GDA: variants seen among roughly 807,000 people sequenced by gnomAD.
The protein encoded by GDA is guanine deaminase.
Under a neutral mutation model 59.6 loss-of-function variants are expected in GDA, and 18 were observed. The ratio of observed to expected loss-of-function variants is 0.30; its 90% CI spans 0.21 to 0.45. The LOEUF (loss-of-function observed/expected upper bound fraction) is 0.45, where lower values mean the gene tolerates loss of function less well. Ranked by LOEUF, GDA falls within the 20% of genes least tolerant of loss-of-function variation. The probability of loss-of-function intolerance (pLI) is 1.00; values close to 1 mark genes in which losing one functional copy is unlikely to be tolerated. For missense variants in GDA, 427 were observed against 552.3 expected, an observed-to-expected ratio of 0.77 and a Z score of 2.27; for synonymous variants, 201 against 201.1, an observed-to-expected ratio of 1.00 and a Z score of 0.00.
rs1261999976 is a variant in GDA, at chr9:72,221,278, A to G, written c.606+1772A>G. 2.0e-5 allele frequency among the ~76,000 whole-genome samples: 3 copies of G among 152,124 alleles called. No individual in the cohort carries two copies. The East Asian group carries it at 5.8e-4, about 29-fold the overall frequency. On this transcript the variant is annotated intron_variant, in intron 6 of 13. Coordinates refer to ENST00000358399, the MANE Select transcript of GDA (RefSeq NM_004293.5). ...GCACTCTTTTAAAACTTCAGCCTCC[A>G]CTTTTCTTCATAAAGGCTACCCAGT...
At chr9:72,231,232 A>G (rs759577515) in intron 10 of GDA, 51 bp downstream of exon 10, 6 of 958,980 alleles carry the variant, frequency 6.3e-6, no homozygotes, top group South Asian at 1.3e-5. Flanking sequence ...TTACTGTGTA[A>G]TTTTCTAATG....
Position 72,249,097 on chromosome 9 carries a change from C to T in GDA, c.*755C>T. The T allele has an allele frequency of 1.0e-6, 1 of 973,958 alleles. No homozygotes were observed. Among genetic ancestry groups the T allele is most frequent in the Non-Finnish European group, 1.2e-6 (1 of 819,130 alleles). The allele number at this position is 973,958 out of a possible 1,614,324, so 60.3% of individuals were successfully genotyped here. A position where few individuals can be genotyped will look rare whatever the true frequency, so the allele number is the denominator to read the frequency against. On this transcript the variant is annotated 3_prime_UTR_variant, in exon 14 of 14. Coordinates refer to ENST00000358399, the MANE Select transcript of GDA (RefSeq NM_004293.5). ...GAATATTATTCATGTAACTCCATGGCATAAATAGTTGTATTTTTGTGTACT... is the reference window on the plus strand; with the variant it reads ...GAATATTATTCATGTAACTCCATGGTATAAATAGTTGTATTTTTGTGTACT...
chr9:72,200,275 C>T (rs576719093), intron 2 of GDA, among the ~76,000 whole-genome samples: 24 of 152,080 alleles, frequency 1.6e-4, no homozygotes, highest in East Asian at 1.9e-4. Context: ...GGATTACAGG[C>T]GTGAGCCACC....
In GDA at chr9:72,225,670, C is replaced by T. The variant is rs11143178; in HGVS notation, c.715-7C>T. 1.5e-6 allele frequency: 2 copies of T among 1,298,320 alleles called. No homozygotes were observed. Among genetic ancestry groups the T allele is most frequent in the Admixed American group, 2.1e-5 (1 of 48,012 alleles). 80.4% of individuals were successfully genotyped at this position (1,298,320 alleles called of 1,614,324 possible). A position where few individuals can be genotyped will look rare whatever the true frequency, so the allele number is the denominator to read the frequency against. ...AGAAAAATGAAAATATTATTTTTTT[C>T]TTGTAGAGCCATATAAGTGAAAATC... is the stretch of plus-strand genomic sequence containing the variant. On this transcript the variant is annotated splice_region_variant and splice_polypyrimidine_tract_variant and intron_variant, in intron 7 of 13. Coordinates refer to ENST00000358399, the MANE Select transcript of GDA (RefSeq NM_004293.5).
intron 1 of GDA, among the ~76,000 whole-genome samples, chr9:72,171,800 T>C (rs550545299): frequency 6.6e-6 from 1 of 152,310 alleles, no homozygotes; most frequent in South Asian, 2.1e-4. Flanking sequence ...ACCATATTTC[T>C]AAAAGTGAAA....
intron 8 of GDA, among the ~76,000 whole-genome samples, chr9:72,227,521 GT>G (rs1459749901): frequency 6.7e-6 from 1 of 149,768 alleles, no homozygotes; most frequent in Non-Finnish European, 1.5e-5. Flanking sequence ...GTTCTAGAAA[GT>G]TTTTTTAGAA....
intron 1 of GDA, among the ~76,000 whole-genome samples, chr9:72,169,636 G>A (rs764128690): frequency 3.9e-5 from 6 of 152,122 alleles, no homozygotes; most frequent in Non-Finnish European, 7.3e-5. Flanking sequence ...ATCCTGGTGC[G>A]ACTCTCAAAT....
At position 72,164,406 on chromosome 9, in the gene GDA, C is replaced by T. The variant is rs569586531; in HGVS notation, c.123+14724C>T. ...GAAAAATGTCCAGTGGATTTAGAAA[C>T]CTCAGGCAACTGTTGACCCTAGGAA... On this transcript the variant is annotated intron_variant, in intron 1 of 13. Transcript: ENST00000358399. Among the ~76,000 whole-genome samples, 13 of 152,210 alleles carry T rather than the reference C, an allele frequency of 8.5e-5. No individual in the cohort carries two copies. The East Asian group carries it at 2.5e-3, about 29-fold the overall frequency.
chr9:72,195,673 TA>T, intron 2 of GDA, 85 bp downstream of exon 2: 1 of 461,726 alleles, frequency 2.2e-6, no homozygotes, highest in Non-Finnish European at 4.0e-6. Context: ...AGAGAGACTT[TA>T]AAAAATAATA....
intron 2 of GDA, among the ~76,000 whole-genome samples, chr9:72,200,057 G>A (rs1833758226): frequency 6.7e-6 from 1 of 149,100 alleles, no homozygotes; most frequent in Admixed American, 6.7e-5. Flanking sequence ...GAGTGCAGTG[G>A]CATGATCTCT....
At chr9:72,124,682 T>C (rs1247653178) in intron 1 of GDA, among the ~76,000 whole-genome samples, 1 of 152,054 alleles carries the variant, frequency 6.6e-6, no homozygotes, top group Non-Finnish European at 1.5e-5. Context: ...GGAGTTTTCT[T>C]TTTTTTTAAT....
intron 1 of GDA, among the ~76,000 whole-genome samples, chr9:72,131,664 A>ACACAG (rs1444194654): frequency 1.8e-5 from 2 of 108,226 alleles, no homozygotes; most frequent in Non-Finnish European, 4.6e-5. Context: ...CACACACACA[A>ACACAG]ACACACACAC....
Position 72,118,189 on chromosome 9 carries a change from G to A in GDA, c.-100+3356G>A, listed in dbSNP as rs554090167. Among the ~76,000 whole-genome samples the A allele has an allele frequency of 2.1e-5, 3 of 144,224 alleles. No individual in the cohort carries two copies. In the Admixed American group the frequency reaches 2.2e-4, roughly 11 times the overall value. The allele number at this position is 144,224 out of a possible 152,430, so 94.6% of individuals were successfully genotyped here. A position where few individuals can be genotyped will look rare whatever the true frequency, so the allele number is the denominator to read the frequency against. On this transcript the variant is annotated intron_variant, in intron 1 of 13. Coordinates refer to the GDA transcript ENST00000545168. ...CGGGAGGCTGAGGCAGGAGAATGGC[G>A]TGAACCCGGGAGGCGGAGCTTGCAG...
intron 1 of GDA, among the ~76,000 whole-genome samples, chr9:72,182,327 A>G (rs1031199788): frequency 5.1e-4 from 78 of 152,126 alleles, no homozygotes; most frequent in African/African-American, 1.7e-3. Flanking sequence ...TTCATCTGTA[A>G]TGGGTCTTTA....
chr9:72,132,984 C>G (rs1413056218), intron 1 of GDA, among the ~76,000 whole-genome samples: 1 of 152,024 alleles, frequency 6.6e-6, no homozygotes, highest in Non-Finnish European at 1.5e-5. Context: ...TTATTCTTCT[C>G]TGGTAACAAG....
At chr9:72,164,528 C>A (rs534942235) in intron 1 of GDA, among the ~76,000 whole-genome samples, 1 of 152,050 alleles carries the variant, frequency 6.6e-6, no homozygotes, top group Non-Finnish European at 1.5e-5. Flanking sequence ...ACAGACAACT[C>A]TTTTGAGATT....
At chr9:72,126,414 T>C (rs983419175) in intron 1 of GDA, among the ~76,000 whole-genome samples, 6 of 152,188 alleles carry the variant, frequency 3.9e-5, no homozygotes, top group Admixed American at 2.0e-4. Context: ...ACTTGCCAGA[T>C]GTTGAGTAGC....
At position 72,160,886 on chromosome 9, in the gene GDA, A is replaced by T. The variant is rs143061406; in HGVS notation, c.123+11204A>T. On this transcript the variant is annotated intron_variant, in intron 1 of 13. Coordinates refer to ENST00000358399, the MANE Select transcript of GDA (RefSeq NM_004293.5). ...TCGCTGGATGGATACACATTTCAAG[A>T]CTAAATTTAGGTGTTACCTCCTCAA... 1.7e-3 allele frequency among the ~76,000 whole-genome samples: 253 copies of T among 152,090 alleles called. 2 individuals are homozygous for T. In the Middle Eastern group the frequency reaches 0.02, roughly 12 times the overall value.
At chr9:72,168,371 C>T (rs1246209234) in intron 1 of GDA, among the ~76,000 whole-genome samples, 1 of 146,678 alleles carries the variant, frequency 6.8e-6, no homozygotes, top group African/African-American at 2.5e-5. Context: ...CCAAACTGGG[C>T]AACACACTGA....
Sources: gnomAD v4.1 joint callset for allele counts (sites outside exome capture counted in the v4.1 genomes callset) on GRCh38, gnomAD v4.1.1 for gene constraint, MANE v1.5 for transcripts, NCBI Gene and HGNC (gene_info 2026-07-23, HGNC 2026-07-21) for gene names.